Variants in CLCN4 observed in about 807,000 individuals in gnomAD.
CLCN4 encodes the protein Cl-/H+ antiporter 4, also known as H(+)/Cl(-) exchange transporter 4.
In CLCN4, 1 loss-of-function variant was observed where a neutral mutation model predicts 41.7. The ratio of observed to expected loss-of-function variants is 0.02; its 90% CI spans 0.01 to 0.11. The LOEUF (loss-of-function observed/expected upper bound fraction) is 0.11. Among genes scored for constraint, CLCN4 ranks in the 10% least tolerant of loss-of-function variants. CLCN4 has a pLI of 1.00. For missense variants in CLCN4, 287 were observed against 661.0 expected, an observed-to-expected ratio of 0.43 and a Z score of 6.20; for synonymous variants, 277 against 285.8, an observed-to-expected ratio of 0.97 and a Z score of 0.31.
chrX:10,178,212 T>G (rs1443974349), intron 2 of CLCN4, among the ~76,000 whole-genome samples: 3 of 111,841 alleles, frequency 2.7e-5, no homozygotes, highest in Non-Finnish European at 5.6e-5. Flanking sequence ...TGGATAGTGG[T>G]GATGATTGGA....
In CLCN4 at chrX:10,236,941, C is replaced by T. The variant is rs1414150237; in HGVS notation, c.*3357C>T. ...CCTGGAAGTGACATGTGTGTTTCTT[C>T]TAAGTCGTTTTTAGTGCATCCCCTG... On this transcript the variant is annotated 3_prime_UTR_variant, in exon 13 of 13. Coordinates refer to ENST00000380833, the MANE Select transcript of CLCN4 (RefSeq NM_001830.4). The T allele has an allele frequency of 8.9e-6, 1 of 111,977 alleles. No homozygotes were observed. Among genetic ancestry groups the T allele is most frequent in the African/African-American group, 3.3e-5 (1 of 30,759 alleles). The allele number at this position is 111,977 out of a possible 1,213,427, so 9.2% of individuals were successfully genotyped here. A position where few individuals can be genotyped will look rare whatever the true frequency, so the allele number is the denominator to read the frequency against.
At chrX:10,206,885 A>G in intron 8 of CLCN4, 109 bp downstream of exon 8, 2 of 503,403 alleles carry the variant, frequency 4.0e-6, no homozygotes, top group Non-Finnish European at 3.1e-6. Context: ...AAGGAGCCAC[A>G]ATTTCCACTG....
intron 11 of CLCN4, among the ~76,000 whole-genome samples, chrX:10,217,399 T>A (rs1165836791): frequency 6.2e-5 from 7 of 112,162 alleles, no homozygotes; most frequent in Non-Finnish European, 1.9e-5. Flanking sequence ...TGTGCACTCT[T>A]GGGTGCTGAG....
At chrX:10,205,314 G>A (rs780745891) in intron 6 of CLCN4, among the ~76,000 whole-genome samples, 2 of 109,321 alleles carry the variant, frequency 1.8e-5, no homozygotes, top group Admixed American at 2.0e-4. Context: ...TCTACTAAAA[G>A]TACAAAAAAT....
chrX:10,171,651 A>G (rs1923388403), intron 2 of CLCN4, among the ~76,000 whole-genome samples: 1 of 112,240 alleles, frequency 8.9e-6, no homozygotes, highest in Non-Finnish European at 1.9e-5. Context: ...GGGCTCATAA[A>G]ACTTGACACA....
At chrX:10,211,942 C>G (rs1001216279) in intron 9 of CLCN4, among the ~76,000 whole-genome samples, 1 of 111,633 alleles carries the variant, frequency 9.0e-6, no homozygotes, top group Non-Finnish European at 1.9e-5. Flanking sequence ...AGGTATTCAG[C>G]TACCACCTAC....
chrX:10,224,339 A>AT (rs1569234189), intron 12 of CLCN4, among the ~76,000 whole-genome samples: 13 of 72,595 alleles, frequency 1.8e-4, no homozygotes, highest in African/African-American at 7.3e-4. Context: ...TGTGTATGTG[A>AT]GTGTGTGTGT....
At chrX:10,170,109 T>C (rs1923354147) in intron 2 of CLCN4, among the ~76,000 whole-genome samples, 1 of 112,138 alleles carries the variant, frequency 8.9e-6, no homozygotes, top group Non-Finnish European at 1.9e-5. Context: ...TTCTTGAGCA[T>C]GTCTGTGCAG....
At chrX:10,159,097 G>C (rs185539331) in intron 2 of CLCN4, among the ~76,000 whole-genome samples, 2 of 111,238 alleles carry the variant, frequency 1.8e-5, no homozygotes, top group East Asian at 5.6e-4. Context: ...TATTTTGCAA[G>C]GTTCCAGCAT....
rs4830701 is a variant in CLCN4 at position 10,185,710 on chromosome X, C to G, written c.144+534C>G. ...GATTCTAAACATCAGGAATGCCCCC[C>G]TTTTTTAAGTCACAGAGGCATGAAA... On this transcript the variant is annotated intron_variant, in intron 3 of 12. Transcript: ENST00000380833. Among the ~76,000 whole-genome samples the G allele has an allele frequency of 4.1e-3, 453 of 111,220 alleles. 3 individuals carry two copies. Among genetic ancestry groups the G allele is most frequent in the Admixed American group, 0.04 (415 of 10,500 alleles).
intron 2 of CLCN4, among the ~76,000 whole-genome samples, chrX:10,161,858 C>T (rs1246370830): frequency 9.0e-6 from 1 of 110,513 alleles, no homozygotes; most frequent in Non-Finnish European, 1.9e-5. Context: ...GTTGCTTACA[C>T]TGAAGCTGCC....
chrX:10,237,436 G>C lies in CLCN4; in HGVS notation c.*3852G>C, dbSNP rs766117193. 1.8e-5 allele frequency: 2 copies of C among 111,533 alleles called. No homozygotes were observed. The highest frequency in any genetic ancestry group is 6.5e-5 in the African/African-American group (2 of 30,636). The allele number at this position is 111,533 out of a possible 1,213,427, so 9.2% of individuals were successfully genotyped here. A position where few individuals can be genotyped will look rare whatever the true frequency, so the allele number is the denominator to read the frequency against. The stretch of plus-strand genomic sequence containing the variant: ...TTAAGCAGACCCTATTTTCACTGGC[G>C]CGGTAATAACTATTTATTTGCTATC... On this transcript the variant is annotated 3_prime_UTR_variant, in exon 13 of 13. Coordinates refer to ENST00000380833, the MANE Select transcript of CLCN4 (RefSeq NM_001830.4).
intron 9 of CLCN4, among the ~76,000 whole-genome samples, chrX:10,210,027 G>A (rs927574141): frequency 8.1e-5 from 9 of 110,759 alleles, no homozygotes; most frequent in African/African-American, 1.6e-4. Flanking sequence ...CTGCAGCCCC[G>A]GCAACCACTA....
intron 11 of CLCN4, among the ~76,000 whole-genome samples, chrX:10,216,879 A>ATGTGTG (rs201751237): frequency 0.012 from 301 of 24,120 alleles, 5 homozygotes; most frequent in African/African-American, 0.023. Context: ...TCTGTTGGGG[A>ATGTGTG]TGTGTGTGTG....
intron 11 of CLCN4, among the ~76,000 whole-genome samples, chrX:10,218,490 A>G (rs1461111375): frequency 8.9e-6 from 1 of 112,106 alleles, no homozygotes; most frequent in African/African-American, 3.2e-5. Context: ...TTAAGTGTCC[A>G]CCATGTGCTG....
At chrX:10,220,635 C>G in intron 11 of CLCN4, 26 bp from the exon 12 acceptor site, 2 of 1,160,646 alleles carry the variant, frequency 1.7e-6, no homozygotes, top group Non-Finnish European at 2.4e-6. Context: ...TTGTGTGGCT[C>G]ATTGTTCCTG....
intron 9 of CLCN4, among the ~76,000 whole-genome samples, 188 bp from the exon 10 acceptor site, chrX:10,212,279 T>C (rs1924576837): frequency 8.9e-6 from 1 of 111,869 alleles, no homozygotes; most frequent in Non-Finnish European, 1.9e-5. Context: ...TTGCAGTAGA[T>C]ATGACTGACT....
At chrX:10,190,997 T>A (rs1923945086) in intron 4 of CLCN4, among the ~76,000 whole-genome samples, 1 of 112,498 alleles carries the variant, frequency 8.9e-6, no homozygotes, top group Admixed American at 9.4e-5. Context: ...GCTCTATGGA[T>A]GTATATATGT....
At chrX:10,212,870 C>T (rs1924602209) in intron 10 of CLCN4, among the ~76,000 whole-genome samples, 1 of 111,240 alleles carries the variant, frequency 9.0e-6, no homozygotes, top group African/African-American at 3.3e-5. Context: ...AACAGATGCC[C>T]TCAACTTATG....
Sources: allele counts gnomAD v4.1 joint callset (sites outside exome capture counted in the v4.1 genomes callset), GRCh38; gene constraint gnomAD v4.1.1; transcripts MANE v1.5; gene names NCBI Gene and HGNC (gene_info 2026-07-23, HGNC 2026-07-21).